The following EVC2 variants were observed in gnomAD, a reference collection of about 807,000 sequenced individuals.
EVC2 encodes the protein limbin.
Under a neutral mutation model 149.3 loss-of-function variants are expected in EVC2, and 148 were observed. The observed-to-expected ratio is 0.99, with a 90% CI of 0.87 to 1.14. EVC2 has a LOEUF of 1.14. Among genes scored for constraint, EVC2 ranks in the 50% most tolerant of loss-of-function variants. The probability of loss-of-function intolerance (pLI) is 0.00; values close to 1 mark genes in which losing one functional copy is unlikely to be tolerated. For missense variants in EVC2, 1,854 were observed against 1,627.3 expected, an observed-to-expected ratio of 1.14 and a Z score of -2.40; for synonymous variants, 776 against 649.9, an observed-to-expected ratio of 1.19 and a Z score of -2.95.
At chr4:5,658,904 C>T (rs1718704032) in intron 9 of EVC2, among the ~76,000 whole-genome samples, 1 of 152,192 alleles carries the variant, frequency 6.6e-6, no homozygotes, top group Admixed American at 6.5e-5. Flanking sequence ...CTAGAAGCTT[C>T]CAGGACCAGC....
intron 16 of EVC2, among the ~76,000 whole-genome samples, chr4:5,587,615 C>A (rs536606546): frequency 6.6e-6 from 1 of 152,244 alleles, no homozygotes; most frequent in South Asian, 2.1e-4. Flanking sequence ...CCTCAGACAC[C>A]GAGTTAAAGA....
rs60595508 is a variant in EVC2, at chr4:5,636,598, C to T, written c.1470+3916G>A. Among the ~76,000 whole-genome samples, 6,338 of 152,088 alleles carry T rather than the reference C, an allele frequency of 0.042. 400 individuals are homozygous for T. The highest frequency in any genetic ancestry group is 0.14 in the African/African-American group (5,869 of 41,446). Reference sequence around the variant, plus strand: ...CATTTGTGTAGGTTATGTGCAAATACGACACCATTTTATAACAGAGACTTG... The same window carrying T: ...CATTTGTGTAGGTTATGTGCAAATATGACACCATTTTATAACAGAGACTTG... On this transcript the variant is annotated intron_variant, in intron 10 of 21. Transcript: ENST00000344408. The surrounding 1 kb of genome is among the most constrained non-coding windows in gnomAD (Gnocchi z 4.6).
chr4:5,683,500 A>G (rs1720486296), intron 6 of EVC2, among the ~76,000 whole-genome samples: 2 of 152,184 alleles, frequency 1.3e-5, no homozygotes, highest in African/African-American at 2.4e-5. Context: ...CTGAGCACCT[A>G]TTACGTGCAG....
chr4:5,599,271 C>G (rs534436964), intron 16 of EVC2, among the ~76,000 whole-genome samples: 3 of 151,336 alleles, frequency 2.0e-5, no homozygotes, highest in Non-Finnish European at 4.4e-5. Flanking sequence ...CACATGCACA[C>G]GTATGTTGAT....
chr4:5,587,687 C>T (rs558331619), intron 16 of EVC2, among the ~76,000 whole-genome samples: 15 of 152,246 alleles, frequency 9.9e-5, no homozygotes, highest in South Asian at 2.1e-4. Flanking sequence ...CTGAGCTCCC[C>T]GAGTGAGCAA....
At chr4:5,655,056 G>GT (rs908550805) in intron 9 of EVC2, among the ~76,000 whole-genome samples, 1 of 152,186 alleles carries the variant, frequency 6.6e-6, no homozygotes, top group African/African-American at 2.4e-5. Context: ...AACAGAAGGT[G>GT]TTTGTCACAC....
chr4:5,692,973 G>C (rs1217705951), intron 3 of EVC2, among the ~76,000 whole-genome samples: 1 of 151,806 alleles, frequency 6.6e-6, no homozygotes, highest in Non-Finnish European at 1.5e-5. Flanking sequence ...CCAGGCCTCT[G>C]ATTCAGTTGA....
In EVC2 at chr4:5,562,780, A is replaced by G. The variant is rs886059470; in HGVS notation, c.*68T>C. 5.6e-6 allele frequency: 9 copies of G among 1,607,312 alleles called. No individual in the cohort carries two copies. In the Admixed American group the frequency reaches 6.7e-5, roughly 12 times the overall value. On this transcript the variant is annotated 3_prime_UTR_variant, in exon 22 of 22. Coordinates refer to ENST00000344408, the MANE Select transcript of EVC2 (RefSeq NM_147127.5). The surrounding 1 kb of genome is among the most constrained non-coding windows in gnomAD (Gnocchi z 4.3). Reference sequence around the variant, plus strand: ...TGCGAGTTGTGCATTATAAACACACAAACACCGGCGGGCAGGAGAAAATCA... The same window carrying G: ...TGCGAGTTGTGCATTATAAACACACGAACACCGGCGGGCAGGAGAAAATCA...
chr4:5,646,341 C>T (rs1370484863), intron 9 of EVC2, among the ~76,000 whole-genome samples: 1 of 151,956 alleles, frequency 6.6e-6, no homozygotes, highest in African/African-American at 2.4e-5. Flanking sequence ...TTGTTGGCTA[C>T]ATGTATGTCT....
rs911180902 is a variant in EVC2, at chr4:5,614,487, G to C, written c.2829+935C>G. Among the ~76,000 whole-genome samples the C allele has an allele frequency of 1.2e-4, 18 of 152,182 alleles. No homozygotes were observed. The highest frequency in any genetic ancestry group is 2.6e-4 in the Admixed American group (4 of 15,290). ...AAGAGTTGGAAGTGGGGTGGAATGA[G>C]TGGGAGAATCTACGGTGTTCGGGTA... On this transcript the variant is annotated intron_variant, in intron 16 of 21. Transcript: ENST00000344408. This position sits in a 1 kb window ranked among gnomAD's most constrained non-coding sequence, Gnocchi z 4.7.
chr4:5,606,156 A>C (rs1245956010), intron 16 of EVC2, among the ~76,000 whole-genome samples: 8 of 152,222 alleles, frequency 5.3e-5, no homozygotes, highest in Non-Finnish European at 1.2e-4. Flanking sequence ...TTTTACTTCA[A>C]AACATCTGAG....
intron 16 of EVC2, among the ~76,000 whole-genome samples, chr4:5,603,250 G>A (rs533867872): frequency 3.9e-5 from 6 of 152,304 alleles, no homozygotes; most frequent in Admixed American, 2.0e-4. Context: ...ATTGGGGTCA[G>A]TGGGAAGCTA....
At chr4:5,615,298 T>C (rs1011210184) in intron 16 of EVC2, 124 bp downstream of exon 16, 4 of 1,493,936 alleles carry the variant, frequency 2.7e-6, no homozygotes, top group East Asian at 2.4e-5. Context: ...CCTGAGTGAG[T>C]GAGCGGTTGG....
At chr4:5,575,149 TG>T (rs941686113) in intron 18 of EVC2, among the ~76,000 whole-genome samples, 1 of 152,218 alleles carries the variant, frequency 6.6e-6, no homozygotes, top group Non-Finnish European at 1.5e-5. Flanking sequence ...CTTGGATTGA[TG>T]CAGACCCAGA....
At chr4:5,604,707 C>T (rs1264186149) in intron 16 of EVC2, among the ~76,000 whole-genome samples, 1 of 151,786 alleles carries the variant, frequency 6.6e-6, no homozygotes, top group Non-Finnish European at 1.5e-5. Flanking sequence ...TTAAATGTTC[C>T]CAACACACAG....
In EVC2 at chr4:5,591,529, G is replaced by A. The variant is rs576972259; in HGVS notation, c.2830-6679C>T. 9.8e-5 allele frequency among the ~76,000 whole-genome samples: 15 copies of A among 152,302 alleles called. No individual in the cohort carries two copies. In the South Asian group the frequency reaches 3.1e-3, roughly 32 times the overall value. On this transcript the variant is annotated intron_variant, in intron 16 of 21. Coordinates refer to ENST00000344408, the MANE Select transcript of EVC2 (RefSeq NM_147127.5). ...GACCCCTGCAGAGGTGCAGAGCAGA[G>A]GGCAGAATGAGAAGGCCGTAAGGAA...
intron 2 of EVC2, among the ~76,000 whole-genome samples, chr4:5,695,891 A>T (rs1423663168): frequency 6.6e-6 from 1 of 152,180 alleles, no homozygotes; most frequent in Non-Finnish European, 1.5e-5. Context: ...AAATCTGATT[A>T]AAAAAAGATG....
chr4:5,646,217 C>T (rs1717699250), intron 9 of EVC2, among the ~76,000 whole-genome samples: 1 of 152,190 alleles, frequency 6.6e-6, no homozygotes, highest in Admixed American at 6.5e-5. Flanking sequence ...AGGCATAAGC[C>T]ACCGTGCCAG....
downstream of EVC2, among the ~76,000 whole-genome samples, chr4:5,542,538 C>T (rs554136577): frequency 1.3e-5 from 2 of 152,318 alleles, no homozygotes; most frequent in South Asian, 4.1e-4. Context: ...TCTGGGGCCA[C>T]AACTCACCCT....
Sources: gnomAD v4.1 joint callset for allele counts (sites outside exome capture counted in the v4.1 genomes callset) on GRCh38, gnomAD v4.1.1 for gene constraint, Gnocchi (gnomAD v3.1) non-coding constraint, MANE v1.5 for transcripts, NCBI Gene and HGNC (gene_info 2026-07-23, HGNC 2026-07-21) for gene names.